SLC12A2: variants seen among roughly 807,000 people sequenced by gnomAD.
SLC12A2 encodes the protein solute carrier family 12 member 2, also known as Na-K-2Cl cotransporter 1.
A neutral mutation model predicts 136.3 loss-of-function variants in SLC12A2; 67 were observed. The observed-to-expected ratio is 0.49, with a 90% CI of 0.40 to 0.60. SLC12A2 has a LOEUF of 0.60. Among genes scored for constraint, SLC12A2 ranks in the 20% least tolerant of loss-of-function variants. The pLI is 0.00. For synonymous variants in SLC12A2, 619 were observed against 562.9 expected, an observed-to-expected ratio of 1.10 and a Z score of -1.41; for missense variants, 1,322 against 1,534.7, an observed-to-expected ratio of 0.86 and a Z score of 2.32.
chr5:128,122,637 TTGAG>T (rs918771399), intron 4 of SLC12A2, among the ~76,000 whole-genome samples: 3 of 152,174 alleles, frequency 2.0e-5, no homozygotes, highest in African/African-American at 7.2e-5. Context: ...TCTGAAATAA[TTGAG>T]TACCTCCTCA....
At chr5:128,136,198 A>G (rs768812368) in intron 7 of SLC12A2, among the ~76,000 whole-genome samples, 1 of 152,160 alleles carries the variant, frequency 6.6e-6, no homozygotes, top group Non-Finnish European at 1.5e-5. Flanking sequence ...AATTATTGGT[A>G]TAATTGCATT....
intron 10 of SLC12A2, among the ~76,000 whole-genome samples, chr5:128,144,299 G>A (rs926216587): frequency 4.6e-5 from 7 of 152,110 alleles, no homozygotes; most frequent in African/African-American, 1.7e-4. Flanking sequence ...AAAATACTTT[G>A]TAAAGCGATA....
At chr5:128,128,964 A>C (rs1054973252) in intron 4 of SLC12A2, among the ~76,000 whole-genome samples, 1 of 152,090 alleles carries the variant, frequency 6.6e-6, no homozygotes, top group Non-Finnish European at 1.5e-5. Context: ...CAAATCTTTT[A>C]AAATGTGAGT....
Position 128,111,730 on chromosome 5 carries a change from A to G in SLC12A2, c.757-1084A>G, listed in dbSNP as rs549534454. On this transcript the variant is annotated intron_variant, in intron 1 of 26. Coordinates refer to ENST00000262461, the MANE Select transcript of SLC12A2 (RefSeq NM_001046.3). ...CAGTGAGCTGAGATCGCGCCACTGC[A>G]CTGCAGCCTGGGTGACAGAGCGAGA... Among the ~76,000 whole-genome samples the G allele has an allele frequency of 1.2e-3, 183 of 150,962 alleles. 1 individual carries two copies. The highest frequency in any genetic ancestry group is 0.012 in the South Asian group (55 of 4,724).
chr5:128,131,033 T>C, intron 4 of SLC12A2, 34 bp from the exon 5 acceptor site: 3 of 1,604,040 alleles, frequency 1.9e-6, no homozygotes, highest in Non-Finnish European at 2.6e-6. Flanking sequence ...CTAACTTTAG[T>C]ACCTGTTTTT....
intron 1 of SLC12A2, among the ~76,000 whole-genome samples, chr5:128,103,008 T>G (rs1489010831): frequency 6.6e-6 from 1 of 152,216 alleles, no homozygotes. Context: ...ATGTTTGTGA[T>G]GTTTCTAGTT....
intron 1 of SLC12A2, among the ~76,000 whole-genome samples, chr5:128,111,426 GCACTGTGGTAGCA>G (rs1439757187): frequency 6.6e-6 from 1 of 152,128 alleles, no homozygotes; most frequent in African/African-American, 2.4e-5. Context: ...TGTAGATTTT[GCACTGTGGTAGCA>G]CAGAACTTGC....
At chr5:128,105,007 C>G (rs1009954565) in intron 1 of SLC12A2, among the ~76,000 whole-genome samples, 3 of 152,078 alleles carry the variant, frequency 2.0e-5, no homozygotes, top group African/African-American at 7.2e-5. Flanking sequence ...CTCATTATAA[C>G]ATGTGGAATT....
intron 4 of SLC12A2, among the ~76,000 whole-genome samples, chr5:128,122,296 G>C (rs1264711032): frequency 6.6e-6 from 1 of 152,158 alleles, no homozygotes; most frequent in Non-Finnish European, 1.5e-5. Flanking sequence ...TAGTCAATCA[G>C]CTGACAATTG....
At chr5:128,120,330 A>ACCCTC (rs1761508874) in intron 4 of SLC12A2, among the ~76,000 whole-genome samples, 1 of 127,674 alleles carries the variant, frequency 7.8e-6, no homozygotes, top group Non-Finnish European at 1.6e-5. Flanking sequence ...AACTAGAAAT[A>ACCCTC]CCATTTGACC....
chr5:128,125,972 C>T (rs1299320036), intron 4 of SLC12A2, among the ~76,000 whole-genome samples: 2 of 152,056 alleles, frequency 1.3e-5, no homozygotes, highest in African/African-American at 4.8e-5. Context: ...GTTGAAAAAT[C>T]AGTTGTCTAT....
Position 128,186,862 on chromosome 5 carries a change from A to C in SLC12A2, c.*231A>C. 1 of 381,690 alleles carries C rather than the reference A, an allele frequency of 2.6e-6. No homozygotes were observed. The highest frequency in any genetic ancestry group is 4.7e-6 in the Non-Finnish European group (1 of 213,208). 23.6% of individuals were successfully genotyped at this position (381,690 alleles called of 1,614,324 possible). On this transcript the variant is annotated 3_prime_UTR_variant, in exon 27 of 27. Transcript: ENST00000262461. ...ATGGTGATTCTTCTCTGTTGAACTG[A>C]AGTTTGTGAGAGTAGTTTTCCTTTG...
chr5:128,090,722 C>G (rs1182621151), intron 1 of SLC12A2, among the ~76,000 whole-genome samples: 1 of 152,082 alleles, frequency 6.6e-6, no homozygotes, highest in African/African-American at 2.4e-5. Context: ...AAAGGGGTGA[C>G]CCCCATGCAG....
chr5:128,125,706 T>C (rs1761764916), intron 4 of SLC12A2, among the ~76,000 whole-genome samples: 1 of 152,180 alleles, frequency 6.6e-6, no homozygotes, highest in African/African-American at 2.4e-5. Flanking sequence ...GCTTTGTTCA[T>C]GGTAGAAATA....
intron 10 of SLC12A2, 50 bp from the exon 11 acceptor site, chr5:128,147,572 C>T: frequency 8.5e-7 from 1 of 1,176,250 alleles, no homozygotes; most frequent in Non-Finnish European, 1.3e-6. Context: ...GTGTTATTTT[C>T]TGAATTGTTT....
At chr5:128,174,747 T>G (rs956841316) in intron 20 of SLC12A2, 81 bp downstream of exon 20, 2 of 1,124,084 alleles carry the variant, frequency 1.8e-6, no homozygotes, top group African/African-American at 3.2e-5. Flanking sequence ...ATAATATGTC[T>G]TATAAAAATA....
rs1422800661 is a variant in SLC12A2 at position 128,122,586 on chromosome 5, A to G, written c.1048+7905A>G. On this transcript the variant is annotated intron_variant, in intron 4 of 26. Transcript: ENST00000262461. Reference sequence around the variant, plus strand: ...CTGCTTGTGAATTTTTAGAATGTCTACATAAGTCACAATTTTATGTACTCA... The same window carrying G: ...CTGCTTGTGAATTTTTAGAATGTCTGCATAAGTCACAATTTTATGTACTCA... Among the ~76,000 whole-genome samples, 2 of 152,184 alleles carry G rather than the reference A, an allele frequency of 1.3e-5. 1 individual carries two copies. Among genetic ancestry groups the G allele is most frequent in the Non-Finnish European group, 2.9e-5 (2 of 68,022 alleles).
intron 1 of SLC12A2, chr5:128,109,396 G>A (rs577209025): frequency 7.4e-5 from 24 of 325,428 alleles, no homozygotes; most frequent in African/African-American, 3.4e-4. Flanking sequence ...GTGATTGGCC[G>A]GTGTGCCCCT....
At chr5:128,169,488 A>G (rs1581132128) in intron 18 of SLC12A2, 1 of 152,208 alleles carries the variant, frequency 6.6e-6, no homozygotes, top group Non-Finnish European at 1.5e-5. Flanking sequence ...ATGGATTAGT[A>G]ATATATATGA....
Sources: gnomAD v4.1 joint callset for allele counts (sites outside exome capture counted in the v4.1 genomes callset) on GRCh38, gnomAD v4.1.1 for gene constraint, MANE v1.5 for transcripts, NCBI Gene and HGNC (gene_info 2026-07-23, HGNC 2026-07-21) for gene names.